EPHB1: variants seen among roughly 807,000 people sequenced by gnomAD.
EPHB1 encodes the protein ephrin type-B receptor 1.
EPHB1 carries 30 observed loss-of-function variants against 94.4 expected under a neutral mutation model. That is an observed-to-expected ratio of 0.32 (90% confidence interval 0.24 to 0.43). The LOEUF (loss-of-function observed/expected upper bound fraction) is 0.43. Among genes scored for constraint, EPHB1 ranks in the 20% least tolerant of loss-of-function variants. The probability of loss-of-function intolerance (pLI) is 1.00; values close to 1 mark genes in which losing one functional copy is unlikely to be tolerated. For missense variants in EPHB1, 1,055 were observed against 1,308.3 expected, an observed-to-expected ratio of 0.81 and a Z score of 2.99; for synonymous variants, 522 against 489.1, an observed-to-expected ratio of 1.07 and a Z score of -0.89.
intron 11 of EPHB1, among the ~76,000 whole-genome samples, chr3:135,193,975 T>C (rs947447516): frequency 6.6e-6 from 1 of 152,166 alleles, no homozygotes; most frequent in Non-Finnish European, 1.5e-5. Context: ...TGAAGCCTCT[T>C]TCATTCATAT....
chr3:134,981,465 T>C (rs1395697536), intron 3 of EPHB1, among the ~76,000 whole-genome samples: 3 of 152,164 alleles, frequency 2.0e-5, no homozygotes, highest in African/African-American at 7.2e-5. Context: ...AAGTGACACA[T>C]ATTACTTCTA....
chr3:135,006,397 T>C (rs535221679), intron 3 of EPHB1, among the ~76,000 whole-genome samples: 23 of 152,294 alleles, frequency 1.5e-4, no homozygotes, highest in African/African-American at 5.3e-4. Flanking sequence ...ATATAGATAG[T>C]GGTGGTGGTG....
At chr3:135,193,032 C>T (rs564392842) in intron 11 of EPHB1, among the ~76,000 whole-genome samples, 2 of 152,200 alleles carry the variant, frequency 1.3e-5, no homozygotes, top group South Asian at 4.2e-4. Flanking sequence ...TGGAGTAGGG[C>T]GTTGACAAAT....
At chr3:135,038,388 G>T (rs764705684) in intron 3 of EPHB1, among the ~76,000 whole-genome samples, 1 of 152,320 alleles carries the variant, frequency 6.6e-6, no homozygotes, top group South Asian at 2.1e-4. Context: ...GTCAGTTCGT[G>T]CCCTGAGTAA....
In EPHB1 at chr3:135,204,873, GT is replaced by G. The variant is rs1028545075; in HGVS notation, c.2346+3188del. On this transcript the variant is annotated intron_variant, in intron 12 of 15. Coordinates refer to ENST00000398015, the MANE Select transcript of EPHB1 (RefSeq NM_004441.5). ...ACCCTGTTTTGCTATCAAATACTAGGTTTTATTCTTTTTTTTTTTTTTTTTT... is the reference window on the plus strand; with the variant it reads ...ACCCTGTTTTGCTATCAAATACTAGGTTTATTCTTTTTTTTTTTTTTTTTT... 2.3e-5 allele frequency among the ~76,000 whole-genome samples: 3 copies of G among 129,768 alleles called. No homozygotes were observed. The Admixed American group carries it at 2.5e-4, about 11-fold the overall frequency. The allele number at this position is 129,768 out of a possible 152,430, so 85.1% of individuals were successfully genotyped here.
intron 5 of EPHB1, among the ~76,000 whole-genome samples, chr3:135,153,260 C>A (rs959151767): frequency 6.6e-6 from 1 of 152,146 alleles, no homozygotes; most frequent in Non-Finnish European, 1.5e-5. Context: ...TGCAGAAGTG[C>A]CAGGACTAAA....
rs375294904 is a variant in EPHB1 at position 135,108,724 on chromosome 3, C to G, written c.961+2121C>G. Among the ~76,000 whole-genome samples, 10 of 152,264 alleles carry G rather than the reference C, an allele frequency of 6.6e-5. No individual in the cohort carries two copies. In the South Asian group the frequency reaches 1.9e-3, roughly 28 times the overall value. On this transcript the variant is annotated intron_variant, in intron 4 of 15. Transcript: ENST00000398015. ...TCCCTTCTTCCTTCTTTTCTCTCCC[C>G]CCTTCACTTCTACCCAGGCCTGCAG...
chr3:134,797,906 C>A (rs1259351328), intron 1 of EPHB1, among the ~76,000 whole-genome samples: 1 of 152,248 alleles, frequency 6.6e-6, no homozygotes, highest in East Asian at 1.9e-4. Flanking sequence ...GGATATTACA[C>A]ACCATTCACT....
At chr3:135,103,670 A>G (rs1939107219) in intron 3 of EPHB1, among the ~76,000 whole-genome samples, 1 of 152,224 alleles carries the variant, frequency 6.6e-6, no homozygotes, top group Non-Finnish European at 1.5e-5. Flanking sequence ...TCACCAAGCT[A>G]GGAGCTGGCA....
At chr3:135,087,245 C>T (rs1000249897) in intron 3 of EPHB1, among the ~76,000 whole-genome samples, 24 of 152,200 alleles carry the variant, frequency 1.6e-4, no homozygotes, top group African/African-American at 4.6e-4. Context: ...ATTTGGGAAT[C>T]GAATACCTGT....
intron 1 of EPHB1, among the ~76,000 whole-genome samples, chr3:134,849,673 C>T (rs758818610): frequency 4.6e-5 from 7 of 152,166 alleles, no homozygotes; most frequent in Non-Finnish European, 7.4e-5. Context: ...GATTATGGGT[C>T]TGTCCCTAGC....
chr3:135,056,293 C>T (rs1937345374), intron 3 of EPHB1, among the ~76,000 whole-genome samples: 1 of 152,226 alleles, frequency 6.6e-6, no homozygotes, highest in South Asian at 2.1e-4. Flanking sequence ...TCCGTGGCCT[C>T]CTCTGCCTGC....
intron 3 of EPHB1, among the ~76,000 whole-genome samples, chr3:135,026,474 C>T (rs1314805192): frequency 6.7e-6 from 1 of 149,530 alleles, no homozygotes; most frequent in East Asian, 2.0e-4. Context: ...ATAGGGAATC[C>T]TTTCCCCATT....
At chr3:134,856,263 A>G (rs969357948) in intron 1 of EPHB1, among the ~76,000 whole-genome samples, 2 of 152,186 alleles carry the variant, frequency 1.3e-5, no homozygotes, top group African/African-American at 4.8e-5. Flanking sequence ...AGGCCTGGAA[A>G]GGGACTTCAT....
chr3:135,015,922 G>A (rs1935782867), intron 3 of EPHB1, among the ~76,000 whole-genome samples: 1 of 152,246 alleles, frequency 6.6e-6, no homozygotes, highest in Non-Finnish European at 1.5e-5. Context: ...GAGGTGGGAA[G>A]ATCTTGGCAG....
intron 1 of EPHB1, among the ~76,000 whole-genome samples, chr3:134,808,711 C>G (rs567696471): frequency 2.7e-4 from 41 of 152,264 alleles, no homozygotes; most frequent in African/African-American, 7.2e-4. Context: ...GAAGGGAGGT[C>G]TGGAGACAGC....
chr3:134,859,836 A>G (rs1419085823), intron 1 of EPHB1, among the ~76,000 whole-genome samples: 4 of 152,198 alleles, frequency 2.6e-5, no homozygotes, highest in Non-Finnish European at 4.4e-5. Context: ...ATACAAATTT[A>G]TACGGCCGCA....
At chr3:134,906,768 T>C (rs1025639863) in intron 1 of EPHB1, among the ~76,000 whole-genome samples, 3 of 152,220 alleles carry the variant, frequency 2.0e-5, no homozygotes, top group African/African-American at 7.2e-5. Flanking sequence ...CAAGGCCCTC[T>C]TGGAGAATGT....
intron 10 of EPHB1, among the ~76,000 whole-genome samples, chr3:135,188,024 C>A (rs867703231): frequency 2.2e-4 from 33 of 151,918 alleles, no homozygotes; most frequent in African/African-American, 8.0e-4. Flanking sequence ...CATGGAGAAA[C>A]CCTGTCTCTA....
Sources: allele counts gnomAD v4.1 joint callset (sites outside exome capture counted in the v4.1 genomes callset), GRCh38; gene constraint gnomAD v4.1.1; transcripts MANE v1.5; gene names NCBI Gene and HGNC (gene_info 2026-07-23, HGNC 2026-07-21).